Variants in EPB41L2 observed in about 807,000 individuals in gnomAD.
EPB41L2 encodes erythrocyte membrane protein band 4.1 like 2.
A neutral mutation model predicts 113.0 loss-of-function variants in EPB41L2; 43 were observed. The observed-to-expected ratio is 0.38, with a 90% CI of 0.30 to 0.49. The LOEUF is 0.49. Ranked by LOEUF, EPB41L2 falls within the 20% of genes least tolerant of loss-of-function variation. The pLI, the probability that EPB41L2 is intolerant of heterozygous loss-of-function variation, is 0.95. For synonymous variants in EPB41L2, 442 were observed against 436.7 expected, an observed-to-expected ratio of 1.01 and a Z score of -0.15; for missense variants, 1,147 against 1,223.4, an observed-to-expected ratio of 0.94 and a Z score of 0.93.
chr6:130,876,898 A>C, intron 14 of EPB41L2: 1 of 362,846 alleles, frequency 2.8e-6, no homozygotes, highest in Non-Finnish European at 4.7e-6. Flanking sequence ...AGTGGCACAT[A>C]ATGGAAGGTG....
Position 130,880,141 on chromosome 6 carries a change from A to G in EPB41L2, c.1896+3T>C. 1 of 1,602,862 alleles carries G rather than the reference A, an allele frequency of 6.2e-7. No homozygotes were observed. Among genetic ancestry groups the G allele is most frequent in the Non-Finnish European group, 8.5e-7 (1 of 1,169,972 alleles). Reference sequence around the variant, plus strand: ...CAGAGTTGTTTTCTTAGATTATACAAACCTCCAACATTAAATTGCTATGTC... The same window carrying G: ...CAGAGTTGTTTTCTTAGATTATACAGACCTCCAACATTAAATTGCTATGTC... On this transcript the variant is annotated splice_donor_region_variant and intron_variant, in intron 13 of 19. Transcript: ENST00000337057.
intron 1 of EPB41L2, among the ~76,000 whole-genome samples, chr6:130,981,836 A>G (rs1313156783): frequency 6.6e-6 from 1 of 152,200 alleles, no homozygotes; most frequent in African/African-American, 2.4e-5. Flanking sequence ...TTTGGAGAAA[A>G]AAGTATATGT....
At chr6:130,906,126 T>C (rs999288060) in intron 5 of EPB41L2, among the ~76,000 whole-genome samples, 2 of 152,230 alleles carry the variant, frequency 1.3e-5, no homozygotes, top group Non-Finnish European at 2.9e-5. Flanking sequence ...TTCTTCAAGG[T>C]GACTGCTAGT....
chr6:130,869,432 C>G, intron 15 of EPB41L2, 131 bp downstream of exon 15: 2 of 874,042 alleles, frequency 2.3e-6, no homozygotes, highest in Non-Finnish European at 3.5e-6. Context: ...CCCCCTTCCT[C>G]CCATGAGAGA....
At chr6:130,987,575 C>T (rs1013921171) in intron 1 of EPB41L2, among the ~76,000 whole-genome samples, 4 of 152,050 alleles carry the variant, frequency 2.6e-5, no homozygotes, top group African/African-American at 9.7e-5. Flanking sequence ...CACCTGTAGT[C>T]CCAGCTACTC....
At chr6:130,869,523 C>A (rs1191505774) in intron 15 of EPB41L2, 40 bp downstream of exon 15, 7 of 1,562,254 alleles carry the variant, frequency 4.5e-6, no homozygotes, top group Admixed American at 3.5e-5. Flanking sequence ...ATCTGAGAAG[C>A]AGCTCTAGAG....
chr6:130,859,751 C>CAAA (rs5880039), intron 18 of EPB41L2, among the ~76,000 whole-genome samples: 48 of 131,728 alleles, frequency 3.6e-4, no homozygotes, highest in African/African-American at 1.3e-3. Flanking sequence ...GTAAAGCTAC[C>CAAA]AAAAAAAAAA....
At chr6:130,914,891 T>A (rs1168361630) in intron 4 of EPB41L2, among the ~76,000 whole-genome samples, 3 of 152,182 alleles carry the variant, frequency 2.0e-5, no homozygotes, top group Admixed American at 2.0e-4. Context: ...TAAATATTTA[T>A]CTCCTAAATG....
intron 5 of EPB41L2, 104 bp from the exon 6 acceptor site, chr6:130,904,644 A>G: frequency 8.1e-6 from 4 of 492,344 alleles, no homozygotes; most frequent in Non-Finnish European, 1.4e-5. Context: ...TAATCCAACT[A>G]TAAATCAGCA....
At chr6:131,019,883 T>C (rs1789052333) in intron 1 of EPB41L2, among the ~76,000 whole-genome samples, 1 of 152,176 alleles carries the variant, frequency 6.6e-6, no homozygotes, top group South Asian at 2.1e-4. Context: ...TCAAGAATGC[T>C]TTAATATATT....
At chr6:130,857,453 C>A (rs1000597479) in intron 19 of EPB41L2, among the ~76,000 whole-genome samples, 1 of 151,700 alleles carries the variant, frequency 6.6e-6, no homozygotes, top group Non-Finnish European at 1.5e-5. Context: ...TTTATTAATC[C>A]TTTGCTTTTG....
chr6:130,867,987 CTCTCTCTCT>C (rs1216470497), intron 15 of EPB41L2: 2 of 183,524 alleles, frequency 1.1e-5, no homozygotes, highest in South Asian at 1.1e-4. Flanking sequence ...CTCTCTCTCT[CTCTCTCTCT>C]CTCCTCCTCC....
chr6:131,005,460 C>T (rs1785275444), intron 1 of EPB41L2, among the ~76,000 whole-genome samples: 1 of 152,168 alleles, frequency 6.6e-6, no homozygotes, highest in Admixed American at 6.5e-5. Context: ...CAACCAATAC[C>T]TCTGGGCCAT....
chr6:131,041,481 G>T (rs190349369), intron 1 of EPB41L2, among the ~76,000 whole-genome samples: 46 of 152,232 alleles, frequency 3.0e-4, no homozygotes, highest in Admixed American at 2.9e-3. Flanking sequence ...ATCCTATATT[G>T]TATCACTTGA....
intron 1 of EPB41L2, among the ~76,000 whole-genome samples, chr6:131,000,919 TC>T (rs869106203): frequency 6.6e-6 from 1 of 152,174 alleles, no homozygotes; most frequent in Non-Finnish European, 1.5e-5. Flanking sequence ...CCAAATTATT[TC>T]ACTTCTTTTT....
At chr6:130,982,184 G>A (rs552001067) in intron 1 of EPB41L2, among the ~76,000 whole-genome samples, 14 of 151,278 alleles carry the variant, frequency 9.3e-5, no homozygotes, top group African/African-American at 2.9e-4. Flanking sequence ...CCAAATCAAT[G>A]CTTTATTTTG....
At chr6:130,956,814 T>C (rs192021387) in intron 1 of EPB41L2, among the ~76,000 whole-genome samples, 48 of 152,336 alleles carry the variant, frequency 3.2e-4, no homozygotes, top group South Asian at 8.3e-4. Context: ...TTTCAACTTG[T>C]TATAAACAAT....
chr6:131,027,072 T>C (rs4895903), intron 1 of EPB41L2, among the ~76,000 whole-genome samples: 42,745 of 152,040 alleles, frequency 0.28, 7,107 homozygotes, highest in Non-Finnish European at 0.37. Context: ...TTTACAGCCC[T>C]CATTCCAAAT....
chr6:130,873,838 T>C (rs552432326), intron 14 of EPB41L2, among the ~76,000 whole-genome samples: 1 of 151,698 alleles, frequency 6.6e-6, no homozygotes, highest in South Asian at 2.1e-4. Context: ...CTAAGAAGGG[T>C]GAGGAGCGCA....
Sources: gnomAD v4.1 joint callset for allele counts (sites outside exome capture counted in the v4.1 genomes callset) on GRCh38, gnomAD v4.1.1 for gene constraint, MANE v1.5 for transcripts, NCBI Gene and HGNC (gene_info 2026-07-23, HGNC 2026-07-21) for gene names.